Variants in DDX23 observed in about 807,000 individuals in gnomAD.
DDX23 encodes the protein probable ATP-dependent RNA helicase DDX23.
Under a neutral mutation model 102.7 loss-of-function variants are expected in DDX23, and 33 were observed. The ratio of observed to expected loss-of-function variants is 0.32; its 90% CI spans 0.24 to 0.43. The LOEUF (loss-of-function observed/expected upper bound fraction) is 0.43. Among genes scored for constraint, DDX23 ranks in the 20% least tolerant of loss-of-function variants. DDX23 has a pLI of 1.00. For synonymous variants in DDX23, 352 were observed against 376.0 expected, an observed-to-expected ratio of 0.94 and a Z score of 0.74; for missense variants, 549 against 1,086.6, an observed-to-expected ratio of 0.51 and a Z score of 6.96.
intron 16 of DDX23, 23 bp downstream of exon 16, chr12:48,831,119 A>T: frequency 6.2e-7 from 1 of 1,613,500 alleles, no homozygotes. Context: ...CCCTGGATTG[A>T]AGCTGCTTTC....
Position 48,836,856 on chromosome 12 carries a change from C to T in DDX23, c.1010+38G>A. 1 of 1,613,890 alleles carries T rather than the reference C, an allele frequency of 6.2e-7. No homozygotes were observed. The highest frequency in any genetic ancestry group is 8.5e-7 in the Non-Finnish European group (1 of 1,179,882). ...CCTCCAACTCCTTTCTGTAGAGCCT[C>T]TGGGCTCTGTCCAGCCACCCTAGCC... is the stretch of plus-strand genomic sequence containing the variant. On this transcript the variant is annotated intron_variant, in intron 9 of 16. Coordinates refer to ENST00000308025, the MANE Select transcript of DDX23 (RefSeq NM_004818.3). The surrounding 1 kb of genome is among the most constrained non-coding windows in gnomAD (Gnocchi z 6.1).
Position 48,830,455 on chromosome 12 carries a change from G to C in DDX23, c.*14C>G. 6.2e-7 allele frequency: 1 copy of C among 1,613,912 alleles called. No individual in the cohort carries two copies. The stretch of plus-strand genomic sequence containing the variant: ...GCTTTGGAGATGCCCTCAGCCCACA[G>C]GAAGAGTGCTGTGTCAGGCAAAGAT... On this transcript the variant is annotated 3_prime_UTR_variant, in exon 17 of 17. Coordinates refer to ENST00000308025, the MANE Select transcript of DDX23 (RefSeq NM_004818.3). This position sits in a 1 kb window ranked among gnomAD's most constrained non-coding sequence, Gnocchi z 4.9.
chr12:48,839,224 A>G (rs1938508474), intron 5 of DDX23, among the ~76,000 whole-genome samples: 1 of 151,544 alleles, frequency 6.6e-6, no homozygotes, highest in Admixed American at 6.6e-5. Context: ...GAATTTGACT[A>G]TATGTGGAGA....
At chr12:48,839,739 C>T (rs1200437529) in intron 5 of DDX23, 105 bp downstream of exon 5, 1 of 1,162,266 alleles carries the variant, frequency 8.6e-7, no homozygotes, top group Non-Finnish European at 1.2e-6. Flanking sequence ...AGACTTCCAG[C>T]CTCCAGAACT....
At chr12:48,842,739 C>T (rs565849879) in intron 3 of DDX23, among the ~76,000 whole-genome samples, 129 of 152,148 alleles carry the variant, frequency 8.5e-4, no homozygotes, top group Non-Finnish European at 1.5e-3. Flanking sequence ...TCTGCCCGGC[C>T]GCCCCTACTG....
At position 48,832,365 on chromosome 12, in the gene DDX23, G is replaced by A. The variant is rs1938403439; in HGVS notation, c.1955+57C>T. Reference sequence around the variant, plus strand: ...CCTGCCCTGCACCTGCACTAAAAAAGTTCTCAGAGCCATTTTATTCTCCAC... The same window carrying A: ...CCTGCCCTGCACCTGCACTAAAAAAATTCTCAGAGCCATTTTATTCTCCAC... On this transcript the variant is annotated intron_variant, in intron 14 of 16. Coordinates refer to ENST00000308025, the MANE Select transcript of DDX23 (RefSeq NM_004818.3). This position sits in a 1 kb window ranked among gnomAD's most constrained non-coding sequence, Gnocchi z 4.4. 4 of 1,594,358 alleles carry A rather than the reference G, an allele frequency of 2.5e-6. No individual in the cohort carries two copies. Among genetic ancestry groups the A allele is most frequent in the Non-Finnish European group, 2.6e-6 (3 of 1,166,642 alleles).
chr12:48,833,225 T>C, intron 13 of DDX23, 52 bp downstream of exon 13: 1 of 1,605,232 alleles, frequency 6.2e-7, no homozygotes, highest in Middle Eastern at 1.7e-4. Context: ...GCTCAAGTGA[T>C]CCACCCGCCT....
intron 4 of DDX23, 36 bp from the exon 5 acceptor site, chr12:48,839,945 C>T: frequency 6.2e-7 from 1 of 1,612,398 alleles, no homozygotes. Flanking sequence ...TATAAAGGCT[C>T]TCTCCCTTTA....
intron 13 of DDX23, chr12:48,833,043 G>T: frequency 1.8e-6 from 1 of 568,432 alleles, no homozygotes; most frequent in Non-Finnish European, 3.1e-6. Flanking sequence ...TGGAGTAGTG[G>T]CACGACCTCA....
intron 3 of DDX23, among the ~76,000 whole-genome samples, chr12:48,841,736 G>A (rs1215783083): frequency 1.3e-5 from 2 of 152,260 alleles, no homozygotes; most frequent in Non-Finnish European, 2.9e-5. Flanking sequence ...GTGCCGGGAT[G>A]GCACACGGAG....
intron 1 of DDX23, among the ~76,000 whole-genome samples, chr12:48,846,950 C>A (rs1272537935): frequency 2.0e-5 from 3 of 152,194 alleles, no homozygotes; most frequent in African/African-American, 7.2e-5. Flanking sequence ...TCTGCAACCA[C>A]CTCATCATCA....
At position 48,832,048 on chromosome 12, in the gene DDX23, C is replaced by T; in HGVS notation, c.2064+30G>A. On this transcript the variant is annotated intron_variant, in intron 15 of 16. Transcript: ENST00000308025. The surrounding 1 kb of genome is among the most constrained non-coding windows in gnomAD (Gnocchi z 4.4). ...GATTCAGAAAGCAGTGCCACAGAGG[C>T]TAGACTTTGTTCTCCCCTGCCAGAC... 6.2e-7 allele frequency: 1 copy of T among 1,604,084 alleles called. No individual in the cohort carries two copies. The highest frequency in any genetic ancestry group is 8.5e-7 in the Non-Finnish European group (1 of 1,171,358).
chr12:48,848,835 T>C (rs1193527620), intron 1 of DDX23, among the ~76,000 whole-genome samples: 1 of 149,902 alleles, frequency 6.7e-6, no homozygotes, highest in Non-Finnish European at 1.5e-5. Flanking sequence ...CACTACAACC[T>C]CCACCTCCCA....
chr12:48,844,022 CTCGTTCTCGTTCTTTGTGCCG>C lies in DDX23; in HGVS notation c.217_237del (p.Arg73_Arg79del), dbSNP rs1355648261. 5 of 1,614,166 alleles carry C rather than the reference CTCGTTCTCGTTCTTTGTGCCG, an allele frequency of 3.1e-6. No homozygotes were observed. Among genetic ancestry groups the C allele is most frequent in the Non-Finnish European group, 4.2e-6 (5 of 1,180,022 alleles). On this transcript the variant is annotated inframe_deletion, in exon 3 of 17. Coordinates refer to ENST00000308025, the MANE Select transcript of DDX23 (RefSeq NM_004818.3). ...TTCTTATTCCGATCCCGCTCCTTATCTCGTTCTCGTTCTTTGTGCCGTCGTTCTCTGGAAGACCGCAAATTT... is the reference window on the plus strand; with the variant it reads ...TTCTTATTCCGATCCCGCTCCTTATCTCGTTCTCTGGAAGACCGCAAATTT...
Position 48,832,110 on chromosome 12 carries a change from C to A in DDX23, c.2032G>T (p.Asp678Tyr). 6.2e-7 allele frequency: 1 copy of A among 1,614,018 alleles called. No individual in the cohort carries two copies. The highest frequency in any genetic ancestry group is 8.5e-7 in the Non-Finnish European group (1 of 1,180,026). Residue 678 changes from aspartate (D) to tyrosine (Y), a missense_variant, in exon 15 of 17, where the codon GAC becomes TAC. By Grantham distance (160) the Asp-to-Tyr change is radical (BLOSUM62 -3). Around this residue, in one of 4 missense-constraint regions of DDX23, gnomAD observed 270 missense variants for 707.0 expected, o/e 0.38. Transcript: ENST00000308025. The surrounding 1 kb of genome is among the most constrained non-coding windows in gnomAD (Gnocchi z 4.4). ...IIFVNQKKGC[D>Y]VLAKSLEKMG... is the part of the protein sequence containing the mutation. ...TTCTCCAGGGATTTGGCCAACACGT[C>A]GCAGCCCTTCTTCTGGTTGACAAAA...
rs1157679182 is a variant in DDX23 at position 48,836,989 on chromosome 12, T to C, written c.915A>G (p.Ala305=). The C allele has an allele frequency of 1.2e-6, 2 of 1,614,066 alleles. No individual in the cohort carries two copies. The highest frequency in any genetic ancestry group is 2.2e-5 in the South Asian group (2 of 91,084). Residue 305 remains alanine, a synonymous_variant, in exon 9 of 17, where the codon GCA becomes GCG. Transcript: ENST00000308025. The surrounding 1 kb of genome is among the most constrained non-coding windows in gnomAD (Gnocchi z 6.1). ...GCTTCTGCTGCTTGAGGTCAATGCC[T>C]GCAATGAAGCCTCGCCCTAACAACT... is the stretch of plus-strand genomic sequence containing the variant. ...QVQLLGRGFI[A]GIDLKQQKRE...
Position 48,829,883 on chromosome 12 carries a change from T to C in DDX23, c.*586A>G, listed in dbSNP as rs922559072. ...CAGTTCACCGTGTCCCCCCATCTAC[T>C]TAGAAAATCCCCTGGGGGAGGGGAT... On this transcript the variant is annotated 3_prime_UTR_variant, in exon 17 of 17. Transcript: ENST00000308025. The C allele has an allele frequency of 3.9e-6, 1 of 259,214 alleles. No homozygotes were observed. Among genetic ancestry groups the C allele is most frequent in the African/African-American group, 2.2e-5 (1 of 45,220 alleles). The allele number at this position is 259,214 out of a possible 1,614,324, so 16.1% of individuals were successfully genotyped here.
chr12:48,845,350 G>A (rs1034715558), intron 2 of DDX23, among the ~76,000 whole-genome samples: 8 of 152,064 alleles, frequency 5.3e-5, no homozygotes, highest in African/African-American at 1.7e-4. Flanking sequence ...ACGCACTCAG[G>A]AGGCAGAGGC....
chr12:48,842,673 T>TG (rs1287485531), intron 3 of DDX23, among the ~76,000 whole-genome samples: 4 of 143,514 alleles, frequency 2.8e-5, no homozygotes, highest in African/African-American at 7.8e-5. Flanking sequence ...GGGAGGGAGG[T>TG]GGGGGGGTCA....
Sources: gnomAD v4.1 joint callset for allele counts (sites outside exome capture counted in the v4.1 genomes callset) on GRCh38, gnomAD v4.1.1 for gene constraint, gnomAD v4.1.1 regional missense constraint, Gnocchi (gnomAD v3.1) non-coding constraint, MANE v1.5 for transcripts, NCBI Gene and HGNC (gene_info 2026-07-23, HGNC 2026-07-21) for gene names.